Variants in SUCLG1 observed in about 807,000 individuals in gnomAD.
SUCLG1 encodes the protein succinate-CoA ligase GDP/ADP-forming subunit alpha, also known as succinate--CoA ligase [ADP/GDP-forming] subunit alpha, mitochondrial.
In SUCLG1, 26 loss-of-function variants were observed where a neutral mutation model predicts 37.3. The observed-to-expected ratio is 0.70, with a 90% confidence interval of 0.51 to 0.97. The LOEUF (loss-of-function observed/expected upper bound fraction) is 0.97. SUCLG1 is among the 50% of genes least tolerant of loss of function. The probability of loss-of-function intolerance (pLI) is 0.00; values close to 1 mark genes in which losing one functional copy is unlikely to be tolerated. For synonymous variants in SUCLG1, 163 were observed against 155.6 expected (o/e 1.05, Z -0.36); for missense variants, 433 against 432.9 (o/e 1.00, Z 0.00).
Position 84,433,216 on chromosome 2 carries a change from T to G in SUCLG1, c.673+136A>C, listed in dbSNP as rs1002292657. On this transcript the variant is annotated intron_variant, in intron 6 of 8. Coordinates refer to ENST00000393868, the MANE Select transcript of SUCLG1 (RefSeq NM_003849.4). ...CAGAATAACTTTACACTTAAGCAAA[T>G]TAAATTTGAGATCGTAACATCCTTT... 3.7e-6 allele frequency: 3 copies of G among 816,828 alleles called. No homozygotes were observed. The Admixed American group carries it at 6.3e-5, about 17-fold the overall frequency. 50.6% of individuals were successfully genotyped at this position (816,828 alleles called of 1,614,324 possible).
intron 5 of SUCLG1, among the ~76,000 whole-genome samples, chr2:84,437,414 T>C (rs1332142803): frequency 6.6e-6 from 1 of 152,174 alleles, no homozygotes; most frequent in South Asian, 2.1e-4. Context: ...GGCAAATAAA[T>C]TTATTTTAAA....
At chr2:84,457,788 T>C (rs1673046072) in intron 1 of SUCLG1, among the ~76,000 whole-genome samples, 1 of 152,182 alleles carries the variant, frequency 6.6e-6, no homozygotes, top group Non-Finnish European at 1.5e-5. Flanking sequence ...GCTCAAACTT[T>C]ATTGACCTGA....
chr2:84,448,047 A>G (rs1343625900), intron 2 of SUCLG1, among the ~76,000 whole-genome samples: 1 of 151,792 alleles, frequency 6.6e-6, no homozygotes, highest in African/African-American at 2.4e-5. Flanking sequence ...TACAAGGAAC[A>G]AAGTTTCATG....
chr2:84,444,510 G>A (rs1242020729), intron 2 of SUCLG1, among the ~76,000 whole-genome samples: 1 of 152,100 alleles, frequency 6.6e-6, no homozygotes, highest in East Asian at 1.9e-4. Flanking sequence ...GGCAAATGGA[G>A]GCAGGGTGAG....
chr2:84,441,511 T>C (rs764049466), intron 3 of SUCLG1, 52 bp from the exon 4 acceptor site: 2 of 1,553,170 alleles, frequency 1.3e-6, no homozygotes, highest in Non-Finnish European at 1.8e-6. Context: ...ATAAACATTG[T>C]AAAATAAATT....
intron 2 of SUCLG1, among the ~76,000 whole-genome samples, chr2:84,446,609 C>T (rs1467706393): frequency 6.6e-6 from 1 of 152,112 alleles, no homozygotes; most frequent in African/African-American, 2.4e-5. Context: ...AGTGCTCTCT[C>T]TCTCTTAAAG....
chr2:84,449,393 A>T (rs956791984), intron 2 of SUCLG1, among the ~76,000 whole-genome samples: 2 of 152,204 alleles, frequency 1.3e-5, no homozygotes, highest in African/African-American at 2.4e-5. Flanking sequence ...TTGCTGAAAG[A>T]AAGTGTATGG....
chr2:84,442,396 C>G (rs1672787907), intron 3 of SUCLG1, among the ~76,000 whole-genome samples: 1 of 152,124 alleles, frequency 6.6e-6, no homozygotes, highest in Non-Finnish European at 1.5e-5. Flanking sequence ...ATCAACACAT[C>G]ATCCCAAAGA....
chr2:84,424,527 A>T (rs1054170731), intron 8 of SUCLG1, among the ~76,000 whole-genome samples: 4 of 152,206 alleles, frequency 2.6e-5, no homozygotes, highest in Non-Finnish European at 4.4e-5. Flanking sequence ...GATCAATAAA[A>T]AAAGGAGTCC....
intron 7 of SUCLG1, chr2:84,426,778 CAG>C (rs1212193594): frequency 6.6e-6 from 1 of 151,908 alleles, no homozygotes; most frequent in Non-Finnish European, 1.5e-5. Context: ...CCAGGTAAAA[CAG>C]AGAGGACTGA....
At chr2:84,430,196 C>T (rs1476636186) in intron 7 of SUCLG1, among the ~76,000 whole-genome samples, 2 of 152,198 alleles carry the variant, frequency 1.3e-5, no homozygotes, top group South Asian at 2.1e-4. Flanking sequence ...TAAGAAGATT[C>T]CACAGCAGCC....
intron 1 of SUCLG1, chr2:84,458,448 C>T (rs959100042): frequency 6.6e-6 from 1 of 152,202 alleles, no homozygotes; most frequent in African/African-American, 2.4e-5. Flanking sequence ...TCTACTATAA[C>T]CTACCTGACA....
intron 2 of SUCLG1, among the ~76,000 whole-genome samples, chr2:84,444,437 A>G (rs1672817417): frequency 6.6e-6 from 1 of 152,132 alleles, no homozygotes; most frequent in Admixed American, 6.5e-5. Flanking sequence ...AAGGGGAGGG[A>G]GTGTACAAAT....
At chr2:84,453,810 C>T (rs1258989414) in intron 1 of SUCLG1, among the ~76,000 whole-genome samples, 1 of 152,242 alleles carries the variant, frequency 6.6e-6, no homozygotes, top group Non-Finnish European at 1.5e-5. Flanking sequence ...GTTGCCACAT[C>T]CTAGGCCACC....
Position 84,449,629 on chromosome 2 carries a change from A to C in SUCLG1, c.201+20T>G. On this transcript the variant is annotated intron_variant, in intron 2 of 8. Coordinates refer to ENST00000393868, the MANE Select transcript of SUCLG1 (RefSeq NM_003849.4). ...ATATCTCTAGTCTACATTTGAAAAT[A>C]AAAATCTAGATATACATACCTGTTT... The C allele has an allele frequency of 6.7e-7, 1 of 1,481,786 alleles. No homozygotes were observed. Among genetic ancestry groups the C allele is most frequent in the Non-Finnish European group, 9.3e-7 (1 of 1,075,614 alleles). 91.8% of individuals were successfully genotyped at this position (1,481,786 alleles called of 1,614,324 possible).
Position 84,425,669 on chromosome 2 carries a change from A to G in SUCLG1, c.826-66T>C, listed in dbSNP as rs1672526901. 4 of 1,566,872 alleles carry G rather than the reference A, an allele frequency of 2.6e-6. No homozygotes were observed. In the Admixed American group the frequency reaches 6.7e-5, roughly 26 times the overall value. ...TCAATCAAAACGGGACCTCAAATTCATGACTCTGCTGGTAAATGGTAAATG... is the reference window on the plus strand; with the variant it reads ...TCAATCAAAACGGGACCTCAAATTCGTGACTCTGCTGGTAAATGGTAAATG... On this transcript the variant is annotated intron_variant, in intron 7 of 8. Transcript: ENST00000393868.
intron 5 of SUCLG1, chr2:84,433,645 G>A: frequency 1.7e-6 from 1 of 581,526 alleles, no homozygotes; most frequent in Non-Finnish European, 3.1e-6. Context: ...AGACAAAGGA[G>A]AAAGTATATT....
chr2:84,433,475 T>C (rs1355963159), intron 5 of SUCLG1, 40 bp from the exon 6 acceptor site: 1 of 1,539,626 alleles, frequency 6.5e-7, no homozygotes, highest in African/African-American at 1.4e-5. Context: ...ATTGTGTTTC[T>C]ATGTTAGACT....
At chr2:84,450,825 C>T (rs1672929091) in intron 1 of SUCLG1, among the ~76,000 whole-genome samples, 1 of 152,234 alleles carries the variant, frequency 6.6e-6, no homozygotes, top group East Asian at 1.9e-4. Flanking sequence ...GCAACAACAT[C>T]TGCTTCTGGA....
Sources: gnomAD v4.1 joint callset for allele counts (sites outside exome capture counted in the v4.1 genomes callset) on GRCh38, gnomAD v4.1.1 for gene constraint, MANE v1.5 for transcripts, NCBI Gene and HGNC (gene_info 2026-07-23, HGNC 2026-07-21) for gene names.